PDZRN4: variants seen among roughly 807,000 people sequenced by gnomAD.
PDZRN4 encodes PDZ domain containing ring finger 4, also known as PDZ domain-containing RING finger protein 4.
PDZRN4 carries 70 observed loss-of-function variants against 99.0 expected under a neutral mutation model. The ratio of observed to expected loss-of-function variants is 0.71; its 90% CI spans 0.58 to 0.86. The LOEUF (loss-of-function observed/expected upper bound fraction) is 0.86, where lower values mean the gene tolerates loss of function less well. Among genes scored for constraint, PDZRN4 ranks in the 40% least tolerant of loss-of-function variants. The probability of loss-of-function intolerance (pLI) is 0.00; values close to 1 mark genes in which losing one functional copy is unlikely to be tolerated. For missense variants in PDZRN4, 1,474 were observed against 1,331.2 expected (o/e 1.11, Z -1.67); for synonymous variants, 551 against 501.6 (o/e 1.10, Z -1.32).
At chr12:41,246,709 A>G (rs752899211) in intron 3 of PDZRN4, among the ~76,000 whole-genome samples, 1 of 152,096 alleles carries the variant, frequency 6.6e-6, no homozygotes, top group African/African-American at 2.4e-5. Flanking sequence ...GAACCTTCCC[A>G]TTCAGTGGGA....
intron 3 of PDZRN4, among the ~76,000 whole-genome samples, chr12:41,236,072 A>T (rs778940773): frequency 7.2e-5 from 11 of 152,308 alleles, no homozygotes; most frequent in South Asian, 2.1e-4. Context: ...TTTACTGAGC[A>T]CCTAGATTAA....
intron 3 of PDZRN4, among the ~76,000 whole-genome samples, chr12:41,461,723 G>A (rs139261131): frequency 6.6e-6 from 1 of 152,098 alleles, no homozygotes; most frequent in African/African-American, 2.4e-5. Flanking sequence ...AATTGAAATG[G>A]TATCTACTTT....
At chr12:41,354,213 C>T (rs913380675) in intron 3 of PDZRN4, among the ~76,000 whole-genome samples, 2 of 152,046 alleles carry the variant, frequency 1.3e-5, no homozygotes, top group Admixed American at 6.6e-5. Flanking sequence ...AGGTAGGTGT[C>T]AGGTAATTTT....
At chr12:41,355,885 ATGCCATTACTC>A (rs1464253557) in intron 3 of PDZRN4, among the ~76,000 whole-genome samples, 1 of 152,068 alleles carries the variant, frequency 6.6e-6, no homozygotes, top group Non-Finnish European at 1.5e-5. Flanking sequence ...TATTATGTGC[ATGCCATTACTC>A]AGTACAATGA....
Position 41,188,882 on chromosome 12 carries a change from G to T in PDZRN4, c.427G>T (p.Gly143Trp). ...CGPTPRAGRG[G>W]GARGGPPGGR... is the part of the protein sequence containing the mutation. ...TCCGACACCCAGGGCTGGCCGGGGC[G>T]GGGGCGCGCGCGGGGGGCCGCCGGG... The change falls in exon 1 of 10, where the codon GGG becomes TGG. Residue 143 changes from glycine to tryptophan, a missense_variant. By Grantham distance (184) the Gly-to-Trp change is radical. Coordinates refer to ENST00000402685, the MANE Select transcript of PDZRN4 (RefSeq NM_001164595.2). The T allele has an allele frequency of 1.8e-6, 2 of 1,109,026 alleles. No individual in the cohort carries two copies. Among genetic ancestry groups the T allele is most frequent in the South Asian group, 4.3e-5 (1 of 23,326 alleles). The allele number at this position is 1,109,026 out of a possible 1,614,324, so 68.7% of individuals were successfully genotyped here.
At chr12:41,543,757 CA>C (rs1378606408) in intron 5 of PDZRN4, among the ~76,000 whole-genome samples, 1 of 152,148 alleles carries the variant, frequency 6.6e-6, no homozygotes, top group African/African-American at 2.4e-5. Flanking sequence ...ATAGAAAAGA[CA>C]AGTGTTCTTT....
chr12:41,370,417 T>C (rs1298091870), intron 3 of PDZRN4, among the ~76,000 whole-genome samples: 1 of 152,054 alleles, frequency 6.6e-6, no homozygotes, highest in African/African-American at 2.4e-5. Flanking sequence ...CGTTGTTTCT[T>C]ATTTCTCACT....
chr12:41,332,672 C>G (rs1001639802), intron 3 of PDZRN4, among the ~76,000 whole-genome samples: 2 of 146,460 alleles, frequency 1.4e-5, no homozygotes, highest in African/African-American at 5.1e-5. Flanking sequence ...GAGGAATGAC[C>G]AAGAACTGAG....
intron 3 of PDZRN4, among the ~76,000 whole-genome samples, chr12:41,215,249 C>G (rs752317142): frequency 1.3e-5 from 2 of 151,990 alleles, no homozygotes; most frequent in Non-Finnish European, 2.9e-5. Context: ...GTTTACTGGG[C>G]TGTCTCAATC....
At chr12:41,247,931 A>C (rs1951143760) in intron 3 of PDZRN4, among the ~76,000 whole-genome samples, 1 of 151,128 alleles carries the variant, frequency 6.6e-6, no homozygotes, top group Non-Finnish European at 1.5e-5. Flanking sequence ...AGCTACAGAA[A>C]GCAATGGCAT....
At chr12:41,272,213 A>C (rs1256827931) in intron 3 of PDZRN4, among the ~76,000 whole-genome samples, 5 of 152,094 alleles carry the variant, frequency 3.3e-5, no homozygotes, top group Non-Finnish European at 7.4e-5. Flanking sequence ...CATAAAATTC[A>C]TAAATAAATA....
At chr12:41,345,667 A>T (rs1374959513) in intron 3 of PDZRN4, among the ~76,000 whole-genome samples, 2 of 152,174 alleles carry the variant, frequency 1.3e-5, no homozygotes, top group African/African-American at 4.8e-5. Context: ...GATGAGTTGC[A>T]AAATAATTTG....
chr12:41,229,158 T>C (rs1442115436), intron 3 of PDZRN4, among the ~76,000 whole-genome samples: 1 of 151,228 alleles, frequency 6.6e-6, no homozygotes, highest in Non-Finnish European at 1.5e-5. Context: ...ACAGATGATC[T>C]GTCTCAGGTG....
At chr12:41,448,957 A>G (rs10880077) in intron 3 of PDZRN4, among the ~76,000 whole-genome samples, 14,592 of 152,112 alleles carry the variant, frequency 0.096, 692 homozygotes, top group Non-Finnish European at 0.11. Flanking sequence ...CTTTGCCCCA[A>G]CTGGGCTCCT....
chr12:41,267,861 C>G (rs970184688), intron 3 of PDZRN4, among the ~76,000 whole-genome samples: 1 of 151,644 alleles, frequency 6.6e-6, no homozygotes, highest in Non-Finnish European at 1.5e-5. Flanking sequence ...AACAAACAAA[C>G]AAAAAGGAAG....
intron 3 of PDZRN4, among the ~76,000 whole-genome samples, chr12:41,324,675 A>T (rs1243976987): frequency 3.3e-5 from 5 of 152,090 alleles, no homozygotes; most frequent in Admixed American, 3.3e-4. Context: ...TAATTGTGGT[A>T]TTTGTCATAT....
rs375050864 is a variant in PDZRN4 at position 41,402,190 on chromosome 12, T to TAC, written c.844-104257_844-104256dup. Among the ~76,000 whole-genome samples the TAC allele has an allele frequency of 1.7e-3, 29 of 17,406 alleles. 5 individuals carry two copies. The highest frequency in any genetic ancestry group is 2.6e-3 in the Non-Finnish European group (25 of 9,640). 11.4% of individuals were successfully genotyped at this position (17,406 alleles called of 152,430 possible). On this transcript the variant is annotated intron_variant, in intron 3 of 9. Transcript: ENST00000402685. ...TATACACACTGAGTATATATATATATACACACACACTGAGTATACATATAT... is the reference window on the plus strand; with the variant it reads ...TATACACACTGAGTATATATATATATACACACACACACTGAGTATACATATAT...
chr12:41,547,708 C>T (rs568984667), intron 5 of PDZRN4, among the ~76,000 whole-genome samples: 2 of 152,230 alleles, frequency 1.3e-5, no homozygotes, highest in South Asian at 4.2e-4. Context: ...CTTTTCTATT[C>T]CTGGTCCAGA....
chr12:41,462,298 C>T (rs551029545), intron 3 of PDZRN4, among the ~76,000 whole-genome samples: 1 of 152,272 alleles, frequency 6.6e-6, no homozygotes, highest in Non-Finnish European at 1.5e-5. Context: ...CTATAAAACT[C>T]AGATGGAGTC....
Sources: allele counts gnomAD v4.1 joint callset (sites outside exome capture counted in the v4.1 genomes callset), GRCh38; gene constraint gnomAD v4.1.1; transcripts MANE v1.5; gene names NCBI Gene and HGNC (gene_info 2026-07-23, HGNC 2026-07-21).